Variants in PLCH2 observed in about 807,000 individuals in gnomAD.
The protein encoded by PLCH2 is 1-phosphatidylinositol 4,5-bisphosphate phosphodiesterase eta-2.
Under a neutral mutation model 134.7 loss-of-function variants are expected in PLCH2, and 98 were observed. The observed-to-expected ratio is 0.73, with a 90% CI of 0.62 to 0.86. The LOEUF (loss-of-function observed/expected upper bound fraction) is 0.86, where lower values mean the gene tolerates loss of function less well. Among genes scored for constraint, PLCH2 ranks in the 40% least tolerant of loss-of-function variants. PLCH2 has a pLI of 0.00. For synonymous variants in PLCH2, 974 were observed against 827.5 expected (o/e 1.18, Z -3.04); for missense variants, 1,994 against 1,986.6 (o/e 1.00, Z -0.07).
At chr1:2,487,085 T>C (rs1242824354) in intron 6 of PLCH2, 85 bp downstream of exon 6, 1 of 1,498,838 alleles carries the variant, frequency 6.7e-7, no homozygotes, top group Non-Finnish European at 9.1e-7. Context: ...GGACAGGTGT[T>C]CTGTGTTCTG....
rs905935787 is a variant in PLCH2 at position 2,468,074 on chromosome 1, G to T, written c.43+412G>T. Among the ~76,000 whole-genome samples the T allele has an allele frequency of 5.3e-5, 8 of 152,162 alleles. 1 individual carries two copies. The highest frequency in any genetic ancestry group is 7.4e-5 in the Non-Finnish European group (5 of 68,004). ...CCCAGCGGATGCACACTGCTCGGGT[G>T]GGGGGCAGGTCTGGGGGTGCCAGGG... On this transcript the variant is annotated intron_variant, in intron 1 of 21. Transcript: ENST00000449969.
intron 2 of PLCH2, among the ~76,000 whole-genome samples, chr1:2,459,082 C>T (rs980728065): frequency 6.6e-6 from 1 of 152,274 alleles, no homozygotes; most frequent in Non-Finnish European, 1.5e-5. Context: ...GGCTGGGTTG[C>T]ACCCATCTGG....
chr1:2,502,029 G>A (rs896626450), intron 20 of PLCH2, 83 bp from the exon 21 acceptor site: 25 of 1,260,826 alleles, frequency 2.0e-5, no homozygotes, highest in South Asian at 3.2e-5. Flanking sequence ...TCTGTGGCAC[G>A]GTCTGGAGAG....
At chr1:2,440,105 A>C (rs530102877) in intron 2 of PLCH2, among the ~76,000 whole-genome samples, 1 of 152,296 alleles carries the variant, frequency 6.6e-6, no homozygotes, top group South Asian at 2.1e-4. Flanking sequence ...AGCTGCAGCC[A>C]GTCCACAGGG....
chr1:2,463,924 A>G (rs1483222671), upstream of PLCH2, among the ~76,000 whole-genome samples: 1 of 152,256 alleles, frequency 6.6e-6, no homozygotes, highest in African/African-American at 2.4e-5. Flanking sequence ...GGGCAGAGTC[A>G]GGGTGTGAAC....
chr1:2,423,000 C>A (rs1048723057), upstream of PLCH2, among the ~76,000 whole-genome samples: 1 of 152,162 alleles, frequency 6.6e-6, no homozygotes, highest in African/African-American at 2.4e-5. Flanking sequence ...ATTACTATCA[C>A]CCCGATCTCA....
upstream of PLCH2, among the ~76,000 whole-genome samples, chr1:2,467,232 C>T (rs1412152519): frequency 1.3e-5 from 2 of 152,124 alleles, no homozygotes; most frequent in Non-Finnish European, 2.9e-5. Flanking sequence ...GTCGCTCAAG[C>T]TGCTATGGGA....
rs1639862755 is a variant in PLCH2, at chr1:2,444,756, G to A, written c.115+14127G>A. Among the ~76,000 whole-genome samples, 1 of 152,088 alleles carries A rather than the reference G, an allele frequency of 6.6e-6. No individual in the cohort carries two copies. Among genetic ancestry groups the A allele is most frequent in the African/African-American group, 2.4e-5 (1 of 41,400 alleles). Reference sequence around the variant, plus strand: ...CCCCACTGTGACCACTGAGACCACTGGAACTGCCCTTCCCCCATGGCCTTC... The same window carrying A: ...CCCCACTGTGACCACTGAGACCACTAGAACTGCCCTTCCCCCATGGCCTTC... On this transcript the variant is annotated intron_variant, in intron 2 of 3. Coordinates refer to the PLCH2 transcript ENST00000609981. This position sits in a 1 kb window ranked among gnomAD's most constrained non-coding sequence, Gnocchi z 4.6.
chr1:2,498,297 A>T lies in PLCH2; in HGVS notation c.2225-226A>T. On this transcript the variant is annotated intron_variant, in intron 16 of 21. Transcript: ENST00000378486. This position sits in a 1 kb window ranked among gnomAD's most constrained non-coding sequence, Gnocchi z 5.4. ...GTGACCTCCTCGGCTCAGCTGTGGG[A>T]GGCATGGGCTCTGTCCCACATGCTG... is the stretch of plus-strand genomic sequence containing the variant. The T allele has an allele frequency of 2.2e-6, 1 of 463,374 alleles. No individual in the cohort carries two copies. Among genetic ancestry groups the T allele is most frequent in the South Asian group, 2.6e-5 (1 of 38,078 alleles). 28.7% of individuals were successfully genotyped at this position (463,374 alleles called of 1,614,324 possible).
In PLCH2 at chr1:2,502,002, G is replaced by A. The variant is rs556389602; in HGVS notation, c.2662-110G>A. ...CTGAGGTGGCCCAGCCCCTCGGACCGAGACACGCATGGCACGTCTGTGGCA... is the reference window on the plus strand; with the variant it reads ...CTGAGGTGGCCCAGCCCCTCGGACCAAGACACGCATGGCACGTCTGTGGCA... On this transcript the variant is annotated intron_variant, in intron 20 of 21. Transcript: ENST00000378486. 13 of 1,036,610 alleles carry A rather than the reference G, an allele frequency of 1.3e-5. No homozygotes were observed. The East Asian group carries it at 2.1e-4, about 17-fold the overall frequency. The allele number at this position is 1,036,610 out of a possible 1,614,324, so 64.2% of individuals were successfully genotyped here. A position where few individuals can be genotyped will look rare whatever the true frequency, so the allele number is the denominator to read the frequency against.
At chr1:2,436,768 G>A (rs900067759) in intron 2 of PLCH2, among the ~76,000 whole-genome samples, 1 of 152,236 alleles carries the variant, frequency 6.6e-6, no homozygotes, top group African/African-American at 2.4e-5. Flanking sequence ...CACTGAGTGG[G>A]CATATGCAGC....
intron 1 of PLCH2, among the ~76,000 whole-genome samples, chr1:2,427,679 T>C (rs1638863601): frequency 6.6e-6 from 1 of 152,048 alleles, no homozygotes; most frequent in African/African-American, 2.4e-5. Flanking sequence ...CCGGGGCTTG[T>C]GGGGGCCTCC....
At chr1:2,503,696 C>T (rs1387007242) in intron 21 of PLCH2, 10 of 649,664 alleles carry the variant, frequency 1.5e-5, no homozygotes, top group East Asian at 5.5e-5. Flanking sequence ...AGGAGGGCCC[C>T]GTGTGCGGCA....
intron 5 of PLCH2, among the ~76,000 whole-genome samples, chr1:2,485,896 G>A (rs1642258841): frequency 6.6e-6 from 1 of 152,172 alleles, no homozygotes; most frequent in Non-Finnish European, 1.5e-5. Flanking sequence ...CTGGGCCTGA[G>A]CTCCCGGGAT....
At chr1:2,451,717 C>G (rs565000641) in intron 2 of PLCH2, among the ~76,000 whole-genome samples, 2 of 152,328 alleles carry the variant, frequency 1.3e-5, no homozygotes, top group African/African-American at 4.8e-5. Flanking sequence ...GGGGGCAGGA[C>G]AGGCCAATGG....
chr1:2,488,629 A>G lies in PLCH2; in HGVS notation c.1236-578A>G, dbSNP rs543760297. On this transcript the variant is annotated intron_variant, in intron 8 of 21. Transcript: ENST00000378486. ...GTAAAAATCCAAGTAAAACATACAC[A>G]TGGTTAAAAATGAAGCTGAAAAGCT... 1.8e-4 allele frequency among the ~76,000 whole-genome samples: 27 copies of G among 152,318 alleles called. No individual in the cohort carries two copies. In the Middle Eastern group the frequency reaches 0.01, roughly 58 times the overall value.
In PLCH2 at chr1:2,498,811, G is replaced by A. The variant is rs756848274; in HGVS notation, c.2417G>A (p.Arg806His). 3.9e-5 allele frequency: 63 copies of A among 1,610,136 alleles called. 1 individual carries two copies. The Middle Eastern group carries it at 1.7e-3, about 42-fold the overall frequency. Reference sequence around the variant, plus strand: ...GTGGACTGCAGCAGGGAGCAGACCCGCGTGGTGGACGACAACGGTGAGGCT... The same window carrying A: ...GTGGACTGCAGCAGGGAGCAGACCCACGTGGTGGACGACAACGGTGAGGCT... ...LPVDCSREQTRVVDDNGFNPT... is the reference protein window; with the variant it reads ...LPVDCSREQTHVVDDNGFNPT... The change falls in exon 18 of 22, where the codon CGC becomes CAC. Residue 806 changes from arginine (R) to histidine (H), a missense_variant. Physicochemically the swap from Arg to His is conservative, Grantham distance 29 (BLOSUM62 0). Around this residue, in one of 2 missense-constraint regions of PLCH2, gnomAD observed 1,094 missense variants for 1,234.3 expected, o/e 0.89. Transcript: ENST00000378486. This position sits in a 1 kb window ranked among gnomAD's most constrained non-coding sequence, Gnocchi z 5.4.
At chr1:2,480,064 C>A in intron 3 of PLCH2, 87 bp downstream of exon 3, 1 of 1,579,172 alleles carries the variant, frequency 6.3e-7, no homozygotes, top group Non-Finnish European at 8.6e-7. Flanking sequence ...TTTGCCGGGT[C>A]ACACACTGGG....
upstream of PLCH2, chr1:2,476,183 T>C (rs1240696202): frequency 6.0e-6 from 1 of 165,386 alleles, no homozygotes; most frequent in Non-Finnish European, 1.3e-5. Context: ...GCCTCCCCAG[T>C]GCCCTCCCAT....
Sources: gnomAD v4.1 joint callset for allele counts (sites outside exome capture counted in the v4.1 genomes callset) on GRCh38, gnomAD v4.1.1 for gene constraint, gnomAD v4.1.1 regional missense constraint, Gnocchi (gnomAD v3.1) non-coding constraint, MANE v1.5 for transcripts, NCBI Gene and HGNC (gene_info 2026-07-23, HGNC 2026-07-21) for gene names.